USO1: variants seen among roughly 807,000 people sequenced by gnomAD.
USO1 encodes USO1 vesicle transport factor.
USO1 carries 57 observed loss-of-function variants against 124.5 expected under a neutral mutation model. The ratio of observed to expected loss-of-function variants is 0.46; its 90% confidence interval spans 0.37 to 0.57. The LOEUF is 0.57. USO1 is among the 20% of genes least tolerant of loss of function. The pLI, the probability that USO1 is intolerant of heterozygous loss-of-function variation, is 0.00. For missense variants in USO1, 900 were observed against 1,040.6 expected (o/e 0.86, Z 1.86); for synonymous variants, 369 against 362.8 (o/e 1.02, Z -0.19).
rs369713116 is a variant in USO1, at chr4:75,757,470, A to G, written c.219-27A>G. On this transcript the variant is annotated intron_variant, in intron 3 of 23. Transcript: ENST00000514213. ...CAGTTTATACTCTCATCAGCAGTGT[A>G]TAAGTGTAATAATTTCTTTTTTCCA... is the stretch of plus-strand genomic sequence containing the variant. 40 of 1,462,730 alleles carry G rather than the reference A, an allele frequency of 2.7e-5. No individual in the cohort carries two copies. In the African/African-American group the frequency reaches 4.4e-4, roughly 16 times the overall value. The allele number at this position is 1,462,730 out of a possible 1,614,324, so 90.6% of individuals were successfully genotyped here. A position where few individuals can be genotyped will look rare whatever the true frequency, so the allele number is the denominator to read the frequency against.
chr4:75,748,093 G>A (rs560867679), intron 1 of USO1, among the ~76,000 whole-genome samples: 6 of 151,794 alleles, frequency 4.0e-5, no homozygotes, highest in Non-Finnish European at 7.4e-5. Flanking sequence ...TTTCAGTAGA[G>A]ACGGGGTTTC....
intron 4 of USO1, among the ~76,000 whole-genome samples, chr4:75,762,840 A>G (rs1051434690): frequency 4.6e-5 from 7 of 152,218 alleles, no homozygotes; most frequent in Non-Finnish European, 8.8e-5. Flanking sequence ...AGGCAGGAGA[A>G]TGGTGTGAAC....
chr4:75,748,744 G>GA (rs1721207935), intron 1 of USO1, among the ~76,000 whole-genome samples: 1 of 151,922 alleles, frequency 6.6e-6, no homozygotes, highest in Non-Finnish European at 1.5e-5. Context: ...AGAAGAAGCA[G>GA]AAAACGCCTG....
chr4:75,770,415 A>T (rs765020136), intron 4 of USO1, 24 bp from the exon 5 acceptor site: 1 of 1,503,364 alleles, frequency 6.7e-7, no homozygotes, highest in Non-Finnish European at 8.9e-7. Context: ...TTAAATTGAA[A>T]TTCTTTATTT....
intron 4 of USO1, among the ~76,000 whole-genome samples, chr4:75,767,194 T>C (rs770157284): frequency 6.6e-5 from 10 of 152,170 alleles, no homozygotes; most frequent in East Asian, 1.9e-4. Flanking sequence ...TTCCCTCCCT[T>C]GTTGATTTCA....
At chr4:75,778,472 A>G (rs1215120772) in intron 8 of USO1, among the ~76,000 whole-genome samples, 1 of 152,174 alleles carries the variant, frequency 6.6e-6, no homozygotes, top group African/African-American at 2.4e-5. Context: ...GATGGCAGAG[A>G]GGAAGAAAAC....
At chr4:75,781,532 G>A (rs527520337) in intron 8 of USO1, among the ~76,000 whole-genome samples, 191 of 152,204 alleles carry the variant, frequency 1.3e-3, no homozygotes, top group Non-Finnish European at 2.4e-3. Flanking sequence ...ATTAAGTTAT[G>A]TACATTCTTT....
chr4:75,729,390 AGT>A (rs1017458061), intron 1 of USO1, among the ~76,000 whole-genome samples: 4 of 152,000 alleles, frequency 2.6e-5, no homozygotes, highest in African/African-American at 9.7e-5. Context: ...CCCAGGCTGG[AGT>A]GCAGTGACGT....
At chr4:75,742,902 T>G (rs566512697) in intron 1 of USO1, among the ~76,000 whole-genome samples, 8 of 152,232 alleles carry the variant, frequency 5.3e-5, no homozygotes, top group Non-Finnish European at 5.9e-5. Flanking sequence ...ACTAATCGTC[T>G]TCTTTGGTCG....
At position 75,801,212 on chromosome 4, in the gene USO1, T is replaced by C. The variant is rs781223944; in HGVS notation, c.1986+12T>C. 2.5e-6 allele frequency: 4 copies of C among 1,598,860 alleles called. No homozygotes were observed. The South Asian group carries it at 3.4e-5, about 14-fold the overall frequency. On this transcript the variant is annotated intron_variant, in intron 17 of 23. Transcript: ENST00000514213. ...TGATTCGAGAGCAGGTAAGTACTAATGAACTGTATATACCCTCTGATTACC... is the reference window on the plus strand; with the variant it reads ...TGATTCGAGAGCAGGTAAGTACTAACGAACTGTATATACCCTCTGATTACC...
At position 75,725,433 on chromosome 4, in the gene USO1, T is replaced by G. The variant is rs188867748; in HGVS notation, c.66+548T>G. On this transcript the variant is annotated intron_variant, in intron 1 of 23. Coordinates refer to ENST00000514213, the MANE Select transcript of USO1 (RefSeq NM_003715.4). ...ATCCACCTGCTCCTGTCCCATCAACTGGAAGAGCGGTCGTTCTGCCTGGTG... is the reference window on the plus strand; with the variant it reads ...ATCCACCTGCTCCTGTCCCATCAACGGGAAGAGCGGTCGTTCTGCCTGGTG... 4.6e-5 allele frequency among the ~76,000 whole-genome samples: 7 copies of G among 152,324 alleles called. No homozygotes were observed. The East Asian group carries it at 1.3e-3, about 29-fold the overall frequency.
chr4:75,807,985 A>C (rs1723042949), intron 20 of USO1, among the ~76,000 whole-genome samples: 1 of 152,172 alleles, frequency 6.6e-6, no homozygotes, highest in African/African-American at 2.4e-5. Context: ...ACTAAACAAA[A>C]TAAATTAGAA....
chr4:75,774,373 C>T (rs62318534), intron 7 of USO1, among the ~76,000 whole-genome samples: 12 of 152,044 alleles, frequency 7.9e-5, no homozygotes, highest in South Asian at 2.1e-4. Context: ...TTAGCTGCAA[C>T]GAAAGCTATG....
At chr4:75,747,840 C>A (rs1341947470) in intron 1 of USO1, among the ~76,000 whole-genome samples, 1 of 148,726 alleles carries the variant, frequency 6.7e-6, no homozygotes, top group Non-Finnish European at 1.5e-5. Flanking sequence ...TGGTCTCGAT[C>A]TCCTGACCTC....
At chr4:75,726,461 G>A (rs760536491) in intron 1 of USO1, among the ~76,000 whole-genome samples, 1 of 151,682 alleles carries the variant, frequency 6.6e-6, no homozygotes, top group African/African-American at 2.4e-5. Flanking sequence ...GCAGCTAGTC[G>A]CAGTGACACA....
At chr4:75,808,780 A>G (rs1331496020) in intron 20 of USO1, among the ~76,000 whole-genome samples, 173 bp from the exon 21 acceptor site, 1 of 149,204 alleles carries the variant, frequency 6.7e-6, no homozygotes, top group East Asian at 2.0e-4. Flanking sequence ...GAGCAGAGGT[A>G]AATGAATGTG....
chr4:75,762,440 G>T (rs1721644146), intron 4 of USO1, among the ~76,000 whole-genome samples: 1 of 151,412 alleles, frequency 6.6e-6, no homozygotes, highest in Non-Finnish European at 1.5e-5. Context: ...GGGATTACAG[G>T]CATGAGCCAC....
chr4:75,783,922 T>G (rs1043427446), intron 9 of USO1, among the ~76,000 whole-genome samples: 2 of 152,252 alleles, frequency 1.3e-5, no homozygotes, highest in Non-Finnish European at 2.9e-5. Context: ...TGTTTTCAAA[T>G]GTTGGTATTA....
intron 13 of USO1, among the ~76,000 whole-genome samples, chr4:75,797,044 C>G (rs555095971): frequency 5.3e-5 from 8 of 151,920 alleles, no homozygotes; most frequent in African/African-American, 1.9e-4. Flanking sequence ...GGCATGGTAG[C>G]TCACACCTAT....
Sources: allele counts gnomAD v4.1 joint callset (sites outside exome capture counted in the v4.1 genomes callset), GRCh38; gene constraint gnomAD v4.1.1; transcripts MANE v1.5; gene names NCBI Gene and HGNC (gene_info 2026-07-23, HGNC 2026-07-21).